CBX3: variants seen among roughly 807,000 people sequenced by gnomAD.
CBX3 encodes chromobox protein homolog 3.
CBX3 carries 5 observed loss-of-function variants against 22.6 expected under a neutral mutation model. That is an observed-to-expected ratio of 0.22 (90% CI 0.12 to 0.47). The LOEUF (loss-of-function observed/expected upper bound fraction) is 0.47. Among genes scored for constraint, CBX3 ranks in the 20% least tolerant of loss-of-function variants. The pLI is 0.99. For missense variants in CBX3, 83 were observed against 208.1 expected, an observed-to-expected ratio of 0.40 and a Z score of 3.70; for synonymous variants, 50 against 66.6, an observed-to-expected ratio of 0.75 and a Z score of 1.21.
At position 26,208,563 on chromosome 7, in the gene CBX3, T is replaced by G. The variant is rs1485562260; in HGVS notation, c.330+8T>G. Reference sequence around the variant, plus strand: ...AAGAAGAAAAGAGATGCTGTAAGTATAAAATATTGCCCACCAGCTTGTCCT... The same window carrying G: ...AAGAAGAAAAGAGATGCTGTAAGTAGAAAATATTGCCCACCAGCTTGTCCT... On this transcript the variant is annotated splice_region_variant and intron_variant, in intron 4 of 5. Coordinates refer to ENST00000396386, the MANE Select transcript of CBX3 (RefSeq NM_016587.4). The G allele has an allele frequency of 1.4e-6, 2 of 1,390,364 alleles. No homozygotes were observed. The highest frequency in any genetic ancestry group is 1.5e-5 in the African/African-American group (1 of 66,266). 86.1% of individuals were successfully genotyped at this position (1,390,364 alleles called of 1,614,324 possible).
intron 1 of CBX3, 85 bp from the exon 2 acceptor site, chr7:26,202,885 TG>T (rs1784582065): frequency 2.5e-6 from 2 of 803,016 alleles, no homozygotes; most frequent in East Asian, 5.5e-5. Context: ...GCTCTCTACT[TG>T]GGGGTTGGAA....
At chr7:26,205,578 C>T (rs912637567) in intron 2 of CBX3, among the ~76,000 whole-genome samples, 6 of 152,084 alleles carry the variant, frequency 3.9e-5, no homozygotes, top group Non-Finnish European at 5.9e-5. Context: ...CTGCATTTAT[C>T]TTTTCTCTGT....
chr7:26,208,655 T>C, intron 4 of CBX3, 100 bp downstream of exon 4: 3 of 1,156,678 alleles, frequency 2.6e-6, no homozygotes, highest in East Asian at 5.1e-5. Context: ...AGTCTTGCTC[T>C]TGTCGCCCAG....
At chr7:26,209,400 T>C (rs1226171064) in intron 4 of CBX3, among the ~76,000 whole-genome samples, 1 of 152,226 alleles carries the variant, frequency 6.6e-6, no homozygotes, top group Non-Finnish European at 1.5e-5. Context: ...ATTTGATCCC[T>C]GATCAGACCA....
intron 2 of CBX3, among the ~76,000 whole-genome samples, chr7:26,205,403 A>G (rs1784653649): frequency 6.6e-6 from 1 of 152,172 alleles, no homozygotes. Context: ...ATAAATTTGT[A>G]ATGTTGGTCT....
At chr7:26,208,236 T>A in intron 3 of CBX3, 157 bp from the exon 4 acceptor site, 1 of 503,714 alleles carries the variant, frequency 2.0e-6, no homozygotes, top group Non-Finnish European at 3.5e-6. Context: ...GGAGGCAGGC[T>A]GGGGGGTGGG....
chr7:26,208,355 T>G, intron 3 of CBX3, 38 bp from the exon 4 acceptor site: 1 of 1,487,380 alleles, frequency 6.7e-7, no homozygotes, highest in Non-Finnish European at 9.2e-7. Context: ...TCATATTTAA[T>G]TCAATCACCT....
At chr7:26,208,278 C>A in intron 3 of CBX3, 115 bp from the exon 4 acceptor site, 1 of 739,886 alleles carries the variant, frequency 1.4e-6, no homozygotes, top group Non-Finnish European at 2.1e-6. Context: ...TGATTAGTAT[C>A]TGCAGTACAG....
At chr7:26,202,673 A>G in intron 1 of CBX3, 2 of 349,362 alleles carry the variant, frequency 5.7e-6, no homozygotes, top group Non-Finnish European at 1.0e-5. Context: ...AAAATGGAAC[A>G]TGGACTTTAT....
chr7:26,209,392 T>C (rs559358878), intron 4 of CBX3, among the ~76,000 whole-genome samples: 121 of 152,328 alleles, frequency 7.9e-4, no homozygotes, highest in Non-Finnish European at 1.5e-3. Context: ...TTTCATGGAT[T>C]TGATCCCTGA....
Position 26,211,659 on chromosome 7 carries a change from C to CTTA in CBX3, c.331-3_331-2insTTA, listed in dbSNP as rs768878661. 6.4e-7 allele frequency: 1 copy of CTTA among 1,564,446 alleles called. No individual in the cohort carries two copies. ...GCTGTATGAAAAAATGTCTTCTAAA[C>CTTA]AGGCTGACAAACCAAGAGGATTTGC... On this transcript the variant is annotated splice_region_variant and splice_polypyrimidine_tract_variant and intron_variant, in intron 4 of 5. Transcript: ENST00000396386.
intron 2 of CBX3, among the ~76,000 whole-genome samples, chr7:26,204,253 G>A (rs1784623585): frequency 6.6e-6 from 1 of 151,414 alleles, no homozygotes; most frequent in Non-Finnish European, 1.5e-5. Flanking sequence ...GTAAACCTTA[G>A]TGTGTATCCT....
At chr7:26,211,962 CAT>C (rs1784809808) in intron 5 of CBX3, 118 bp from the exon 6 acceptor site, 6 of 957,036 alleles carry the variant, frequency 6.3e-6, no homozygotes, top group Non-Finnish European at 9.0e-6. Flanking sequence ...CAACAAGTAA[CAT>C]AACTCTCCTG....
Position 26,208,411 on chromosome 7 carries a change from A to G in CBX3, c.186A>G (p.Glu62=), listed in dbSNP as rs756638023. The G allele has an allele frequency of 6.8e-6, 11 of 1,610,928 alleles. No homozygotes were observed. The highest frequency in any genetic ancestry group is 9.3e-6 in the Non-Finnish European group (11 of 1,178,094). ...KGFTDADNTW[E]PEENLDCPEL... ...AACACAGTGCTGACAATACTTGGGAACCTGAAGAAAATTTAGATTGTCCAG... is the reference window on the plus strand; with the variant it reads ...AACACAGTGCTGACAATACTTGGGAGCCTGAAGAAAATTTAGATTGTCCAG... Residue 62 remains glutamate, a synonymous_variant, in exon 4 of 6, where the codon GAA becomes GAG. Coordinates refer to ENST00000396386, the MANE Select transcript of CBX3 (RefSeq NM_016587.4).
rs1562738957 is a variant in CBX3, at chr7:26,202,000, CGCGGCCA to C, written c.-29+178_-29+184del. ...CGGTGGCCTCGCGGCTGGCCTGGCG[CGCGGCCA>C]GCGCCGGTAGTTAGTGGGGGGACTG... is the stretch of plus-strand genomic sequence containing the variant. On this transcript the variant is annotated intron_variant, in intron 1 of 5. Coordinates refer to ENST00000396386, the MANE Select transcript of CBX3 (RefSeq NM_016587.4). 15 of 151,944 alleles carry C rather than the reference CGCGGCCA, an allele frequency of 9.9e-5. No individual in the cohort carries two copies. In the East Asian group the frequency reaches 1.6e-3, roughly 16 times the overall value. The allele number at this position is 151,944 out of a possible 1,614,324, so 9.4% of individuals were successfully genotyped here.
intron 2 of CBX3, among the ~76,000 whole-genome samples, chr7:26,204,694 G>C (rs1562743958): frequency 1.3e-5 from 2 of 152,136 alleles, no homozygotes; most frequent in African/African-American, 4.8e-5. Flanking sequence ...GCCTTGAGGT[G>C]TTCTTAACTT....
chr7:26,202,813 C>T, intron 1 of CBX3, 158 bp from the exon 2 acceptor site: 3 of 644,572 alleles, frequency 4.7e-6, no homozygotes, highest in Non-Finnish European at 8.3e-6. Flanking sequence ...TTAAGTACAT[C>T]ATAAGCAATG....
chr7:26,204,757 G>A (rs1030302181), intron 2 of CBX3, among the ~76,000 whole-genome samples: 3 of 151,946 alleles, frequency 2.0e-5, no homozygotes, highest in African/African-American at 7.3e-5. Flanking sequence ...GAGCAATTAA[G>A]GTTTATCTTT....
chr7:26,211,066 T>C (rs1417336403), intron 4 of CBX3, among the ~76,000 whole-genome samples: 1 of 135,192 alleles, frequency 7.4e-6, no homozygotes, highest in South Asian at 2.3e-4. Flanking sequence ...ATACCAACCA[T>C]AGCTGATGAG....
Sources: gnomAD v4.1 joint callset for allele counts (sites outside exome capture counted in the v4.1 genomes callset) on GRCh38, gnomAD v4.1.1 for gene constraint, MANE v1.5 for transcripts, NCBI Gene and HGNC (gene_info 2026-07-23, HGNC 2026-07-21) for gene names.